DENND1A: variants seen among roughly 807,000 people sequenced by gnomAD.
DENND1A encodes the protein DENN domain-containing protein 1A.
In DENND1A, 51 loss-of-function variants were observed where a neutral mutation model predicts 113.7. The ratio of observed to expected loss-of-function variants is 0.45; its 90% CI spans 0.36 to 0.57. DENND1A has a LOEUF of 0.57. Ranked by LOEUF, DENND1A falls within the 20% of genes least tolerant of loss-of-function variation. The pLI, the probability that DENND1A is intolerant of heterozygous loss-of-function variation, is 0.00. For synonymous variants in DENND1A, 565 were observed against 570.8 expected (o/e 0.99, Z 0.14); for missense variants, 1,258 against 1,395.9 (o/e 0.90, Z 1.57).
At chr9:123,384,561 G>A (rs981439529) in intron 22 of DENND1A, among the ~76,000 whole-genome samples, 2 of 152,226 alleles carry the variant, frequency 1.3e-5, no homozygotes, top group East Asian at 1.9e-4. Context: ...AGACACGCAC[G>A]GGTTGGTTAC....
chr9:123,925,886 T>C (rs1857005304), intron 1 of DENND1A, among the ~76,000 whole-genome samples: 1 of 152,208 alleles, frequency 6.6e-6, no homozygotes, highest in African/African-American at 2.4e-5. Flanking sequence ...AGTCCATAAA[T>C]GTCACGTTTC....
At chr9:123,685,462 C>G (rs1220696485) in intron 5 of DENND1A, among the ~76,000 whole-genome samples, 1 of 152,142 alleles carries the variant, frequency 6.6e-6, no homozygotes, top group African/African-American at 2.4e-5. Flanking sequence ...TATTAATTTG[C>G]ATTATGAAGA....
chr9:123,733,877 A>C (rs556798833), intron 5 of DENND1A, among the ~76,000 whole-genome samples: 34 of 152,216 alleles, frequency 2.2e-4, no homozygotes, highest in South Asian at 1.2e-3. Flanking sequence ...CATGTTGGCC[A>C]GGCTGGTCTC....
chr9:123,646,459 A>G (rs145181275), intron 9 of DENND1A, among the ~76,000 whole-genome samples: 2 of 152,162 alleles, frequency 1.3e-5, no homozygotes, highest in Non-Finnish European at 2.9e-5. Context: ...GCATGCTCAT[A>G]AGAATGTGCC....
In DENND1A at chr9:123,403,408, G is replaced by C. The variant is rs766557790; in HGVS notation, c.1625C>G (p.Pro542Arg). The C allele has an allele frequency of 6.2e-7, 1 of 1,614,128 alleles. No homozygotes were observed. The highest frequency in any genetic ancestry group is 8.5e-7 in the Non-Finnish European group (1 of 1,180,004). ...GGAGAGGCACAATACTCACTGCTCA[G>C]GGCTCGGCACAGACGTCCTCCGGCC... ...VEGRRTSVPSPEHLVKPLRHY... is the reference protein window; with the variant it reads ...VEGRRTSVPSREHLVKPLRHY... The change falls in exon 21 of 24, where the codon CCT becomes CGT. Residue 542 changes from proline (P) to arginine (R), a missense_variant. This residue lies in a region of DENND1A where 1,159 missense variants were observed against 1,231.7 expected (regional missense o/e 0.94). Transcript: ENST00000394215.
intron 3 of DENND1A, among the ~76,000 whole-genome samples, chr9:123,788,926 AT>A (rs1357400110): frequency 2.6e-5 from 4 of 152,026 alleles, no homozygotes; most frequent in East Asian, 3.8e-4. Flanking sequence ...TGTTATTAAA[AT>A]TTTTCAAAAA....
chr9:123,546,113 T>C (rs1213425035), intron 13 of DENND1A, among the ~76,000 whole-genome samples: 1 of 152,138 alleles, frequency 6.6e-6, no homozygotes, highest in East Asian at 1.9e-4. Flanking sequence ...GAGATGATCC[T>C]CCCTAACTCT....
At chr9:123,532,623 T>C (rs915861930) in intron 13 of DENND1A, among the ~76,000 whole-genome samples, 9 of 152,208 alleles carry the variant, frequency 5.9e-5, no homozygotes, top group African/African-American at 2.2e-4. Context: ...TCTTTTATCA[T>C]AGCACCCCTT....
intron 2 of DENND1A, among the ~76,000 whole-genome samples, chr9:123,842,478 AAGAG>A (rs773534245): frequency 5.9e-5 from 9 of 152,256 alleles, no homozygotes; most frequent in South Asian, 2.1e-4. Flanking sequence ...AGAAAAAAAA[AAGAG>A]AGAGAGAGAA....
intron 1 of DENND1A, among the ~76,000 whole-genome samples, chr9:123,921,565 G>T (rs1265353332): frequency 1.3e-5 from 2 of 152,166 alleles, no homozygotes; most frequent in Admixed American, 1.3e-4. Context: ...AATTCAAAAG[G>T]TGGTTTTTCT....
chr9:123,925,559 G>A (rs1309999472), intron 1 of DENND1A, among the ~76,000 whole-genome samples: 1 of 152,162 alleles, frequency 6.6e-6, no homozygotes, highest in Non-Finnish European at 1.5e-5. Flanking sequence ...CACTACTTTA[G>A]AAAGCCTTAA....
chr9:123,698,915 C>T (rs1045549421), intron 5 of DENND1A, among the ~76,000 whole-genome samples: 13 of 152,170 alleles, frequency 8.5e-5, no homozygotes, highest in African/African-American at 2.7e-4. Context: ...GTAATTTCTA[C>T]ACAAAGATAT....
intron 2 of DENND1A, among the ~76,000 whole-genome samples, chr9:123,824,342 A>G (rs1838975047): frequency 2.0e-5 from 3 of 152,208 alleles, no homozygotes; most frequent in African/African-American, 4.8e-5. Flanking sequence ...ATCACTTGCC[A>G]ACAATAGATT....
intron 5 of DENND1A, among the ~76,000 whole-genome samples, chr9:123,737,870 C>G (rs189225769): frequency 6.6e-6 from 1 of 152,254 alleles, no homozygotes; most frequent in Admixed American, 6.5e-5. Context: ...CATTTGGGAG[C>G]TGTTATTGAA....
At position 123,426,991 on chromosome 9, in the gene DENND1A, A is replaced by G. The variant is rs147169744; in HGVS notation, c.1488+13369T>C. Among the ~76,000 whole-genome samples, 20 of 152,350 alleles carry G rather than the reference A, an allele frequency of 1.3e-4. No homozygotes were observed. In the East Asian group the frequency reaches 3.9e-3, roughly 29 times the overall value. ...TGCCTAGTCCTTGAAGCAGATAAAA[A>G]GCAAGGGTGTTAACAAAACATTCCA... On this transcript the variant is annotated intron_variant, in intron 19 of 23. Transcript: ENST00000394215.
At chr9:123,796,401 C>A (rs1199016787) in intron 2 of DENND1A, among the ~76,000 whole-genome samples, 1 of 152,170 alleles carries the variant, frequency 6.6e-6, no homozygotes, top group African/African-American at 2.4e-5. Context: ...CAGGAAAAAA[C>A]TGATCTCCTA....
At chr9:123,501,981 T>TTA (rs199783058) in intron 13 of DENND1A, among the ~76,000 whole-genome samples, 16,445 of 151,636 alleles carry the variant, frequency 0.11, 997 homozygotes, top group South Asian at 0.14. Context: ...AAACTCCCCT[T>TTA]TATATATATA....
chr9:123,843,237 C>T lies in DENND1A; in HGVS notation c.88+35714G>A, dbSNP rs565203774. ...TTTAGTAGTGAAACCAAATGCATCC[C>T]CTAAAAAAGTTCATTATCACACAAG... On this transcript the variant is annotated intron_variant, in intron 2 of 23. Coordinates refer to ENST00000394215, the MANE Select transcript of DENND1A (RefSeq NM_001352964.2). The T allele has an allele frequency of 1.4e-5, 7 of 505,774 alleles. 1 individual carries two copies. The East Asian group carries it at 3.6e-4, about 26-fold the overall frequency. 31.3% of individuals were successfully genotyped at this position (505,774 alleles called of 1,614,324 possible).
chr9:123,633,916 C>A (rs2061590416), intron 9 of DENND1A, among the ~76,000 whole-genome samples: 1 of 152,326 alleles, frequency 6.6e-6, no homozygotes, highest in Non-Finnish European at 1.5e-5. Flanking sequence ...TCTAACTCCA[C>A]AACATATAAA....
Sources: allele counts gnomAD v4.1 joint callset (sites outside exome capture counted in the v4.1 genomes callset), GRCh38; gene constraint gnomAD v4.1.1; regional missense constraint gnomAD v4.1.1; transcripts MANE v1.5; gene names NCBI Gene and HGNC (gene_info 2026-07-23, HGNC 2026-07-21).